The following RNF14 variants were observed in gnomAD, a reference collection of about 807,000 sequenced individuals.
The protein encoded by RNF14 is E3 ubiquitin-protein ligase RNF14.
RNF14 carries 26 observed loss-of-function variants against 52.6 expected under a neutral mutation model. The observed-to-expected ratio is 0.49, with a 90% CI of 0.36 to 0.69. RNF14 has a LOEUF of 0.69. Ranked by LOEUF, RNF14 falls within the 30% of genes least tolerant of loss-of-function variation. The pLI is 0.00. For synonymous variants in RNF14, 194 were observed against 202.0 expected (o/e 0.96, Z 0.34); for missense variants, 404 against 560.4 (o/e 0.72, Z 2.82).
upstream of RNF14, among the ~76,000 whole-genome samples, chr5:141,954,307 T>A (rs537912268): frequency 6.6e-6 from 1 of 152,320 alleles, no homozygotes; most frequent in African/African-American, 2.4e-5. Context: ...TGGGTTTGGG[T>A]GCAATGATGC....
intron 2 of RNF14, among the ~76,000 whole-genome samples, chr5:141,973,241 C>CT (rs11385874): frequency 0.74 from 103,996 of 141,042 alleles, 38,576 homozygotes; most frequent in East Asian, 0.97. Context: ...ATTTTCTTTT[C>CT]TTTTTTTTTT....
At chr5:141,976,983 G>A (rs1754325939) in intron 4 of RNF14, among the ~76,000 whole-genome samples, 2 of 152,056 alleles carry the variant, frequency 1.3e-5, no homozygotes, top group Non-Finnish European at 2.9e-5. Flanking sequence ...TAGAGACAGG[G>A]TTTCACCATG....
upstream of RNF14, chr5:141,954,962 C>T (rs1357746502): frequency 4.4e-6 from 7 of 1,602,622 alleles, no homozygotes; most frequent in East Asian, 1.1e-4. Context: ...GCTGCCCATG[C>T]CCCAGGTACC....
intron 2 of RNF14, among the ~76,000 whole-genome samples, chr5:141,972,971 A>C (rs1197351927): frequency 6.6e-6 from 1 of 152,212 alleles, no homozygotes; most frequent in East Asian, 1.9e-4. Context: ...GGACAAGTCA[A>C]AGTAAATTTG....
rs1019293387 is a variant in RNF14, at chr5:141,989,402, G to C, written c.*1612G>C. 6.6e-6 allele frequency: 1 copy of C among 152,126 alleles called. No homozygotes were observed. The highest frequency in any genetic ancestry group is 2.4e-5 in the African/African-American group (1 of 41,430). 9.4% of individuals were successfully genotyped at this position (152,126 alleles called of 1,614,324 possible). A position where few individuals can be genotyped will look rare whatever the true frequency, so the allele number is the denominator to read the frequency against. ...ATTCAGGACATTTTGTGTAAAAATT[G>C]AGGTTAATTTGCTGGGCACAGTGGC... On this transcript the variant is annotated 3_prime_UTR_variant, in exon 9 of 9. Coordinates refer to ENST00000394520, the MANE Select transcript of RNF14 (RefSeq NM_004290.5).
chr5:141,965,341 G>A (rs914419414), upstream of RNF14, among the ~76,000 whole-genome samples: 5 of 152,232 alleles, frequency 3.3e-5, no homozygotes, highest in East Asian at 1.9e-4. Context: ...TCTCCACTCC[G>A]TGGCCTGGGT....
chr5:141,956,119 G>A (rs145624200), upstream of RNF14: 34 of 1,614,082 alleles, frequency 2.1e-5, no homozygotes, highest in Non-Finnish European at 2.9e-5. Context: ...CACAAGCACG[G>A]AGAGGCTGGC....
chr5:141,972,537 A>G (rs973019792), intron 2 of RNF14, among the ~76,000 whole-genome samples: 4 of 152,178 alleles, frequency 2.6e-5, no homozygotes, highest in Admixed American at 1.3e-4. Flanking sequence ...CAAAATGTCA[A>G]TAGAGCTGAA....
chr5:141,984,222 C>T (rs982914732), intron 7 of RNF14, among the ~76,000 whole-genome samples: 9 of 151,914 alleles, frequency 5.9e-5, no homozygotes, highest in Non-Finnish European at 1.2e-4. Flanking sequence ...CTCAGCCTCC[C>T]GAGTAGCTGG....
the RNF14 span, chr5:141,949,653 A>G: frequency 1.9e-6 from 3 of 1,545,088 alleles, no homozygotes; most frequent in Non-Finnish European, 2.6e-6. Flanking sequence ...ATGCCCATTC[A>G]TGTTTGCATT....
chr5:141,957,115 T>G (rs1252157249), upstream of RNF14: 8 of 1,614,128 alleles, frequency 5.0e-6, no homozygotes, highest in Non-Finnish European at 6.8e-6. This position sits in a 1 kb window ranked among gnomAD's most constrained non-coding sequence, Gnocchi z 4.3. Flanking sequence ...CAGTGAACTC[T>G]CAGCAAACGC....
chr5:141,975,045 G>A, intron 4 of RNF14, 90 bp downstream of exon 4: 6 of 1,367,452 alleles, frequency 4.4e-6, no homozygotes, highest in Non-Finnish European at 6.1e-6. Flanking sequence ...CTTGAATTCA[G>A]TGCATGAAAA....
the RNF14 span, chr5:141,949,408 A>C: frequency 1.1e-4 from 170 of 1,600,948 alleles, no homozygotes; most frequent in Non-Finnish European, 1.4e-4. Flanking sequence ...AAGCAGGGTC[A>C]AGGTAACTCC....
intron 5 of RNF14, 72 bp from the exon 6 acceptor site, chr5:141,980,051 C>T: frequency 4.1e-6 from 5 of 1,233,328 alleles, no homozygotes; most frequent in Non-Finnish European, 4.8e-6. Context: ...ACACTAGCAT[C>T]CTAAGAATCG....
intron 1 of RNF14, among the ~76,000 whole-genome samples, chr5:141,960,206 C>T (rs192272757): frequency 3.5e-4 from 53 of 152,268 alleles, no homozygotes; most frequent in Non-Finnish European, 5.6e-4. Flanking sequence ...CTATCCGCCC[C>T]GCAATCGTCC....
chr5:141,955,641 C>T (rs758107583), upstream of RNF14: 11 of 1,614,160 alleles, frequency 6.8e-6, no homozygotes, highest in Non-Finnish European at 9.3e-6. This position sits in a 1 kb window ranked among gnomAD's most constrained non-coding sequence, Gnocchi z 5.5. Flanking sequence ...GGCAGATGGA[C>T]ATGAACAAAG....
At chr5:141,960,536 G>A (rs576794117) in intron 1 of RNF14, among the ~76,000 whole-genome samples, 18 of 152,136 alleles carry the variant, frequency 1.2e-4, no homozygotes, top group Non-Finnish European at 2.6e-4. Context: ...GACATAAGCA[G>A]GGGTCCTCAG....
intron 1 of RNF14, among the ~76,000 whole-genome samples, chr5:141,960,646 C>A (rs1002027889): frequency 1.3e-5 from 2 of 152,150 alleles, no homozygotes; most frequent in Non-Finnish European, 1.5e-5. Context: ...ATGAGAACAG[C>A]GACCACATGC....
chr5:141,949,529 G>T, the RNF14 span: 1 of 1,614,178 alleles, frequency 6.2e-7, no homozygotes, highest in African/African-American at 1.3e-5. Context: ...CCTGTTCTGG[G>T]TCTGTCTGGC....
Sources: gnomAD v4.1 joint callset for allele counts (sites outside exome capture counted in the v4.1 genomes callset) on GRCh38, gnomAD v4.1.1 for gene constraint, Gnocchi (gnomAD v3.1) non-coding constraint, MANE v1.5 for transcripts, NCBI Gene and HGNC (gene_info 2026-07-23, HGNC 2026-07-21) for gene names.